Variants in LITAF observed in about 807,000 individuals in gnomAD.
LITAF encodes lipopolysaccharide-induced tumor necrosis factor-alpha factor.
LITAF carries 9 observed loss-of-function variants against 14.5 expected under a neutral mutation model. The observed-to-expected ratio is 0.62, with a 90% CI of 0.37 to 1.08. The LOEUF is 1.08. LITAF is among the 50% of genes least tolerant of loss of function. LITAF has a pLI of 0.01. For missense variants in LITAF, 206 were observed against 213.4 expected, an observed-to-expected ratio of 0.97 and a Z score of 0.22; for synonymous variants, 98 against 88.2, an observed-to-expected ratio of 1.11 and a Z score of -0.62.
intron 1 of LITAF, among the ~76,000 whole-genome samples, chr16:11,576,662 G>A (rs1223828892): frequency 6.6e-6 from 1 of 151,866 alleles, no homozygotes; most frequent in African/African-American, 2.4e-5. Flanking sequence ...GGCTGATGGC[G>A]GCTCCATCCC....
rs139593462 is a variant in LITAF at position 11,549,491 on chromosome 16, G to A, written c.*146C>T. Reference sequence around the variant, plus strand: ...GGGTTTGGAGATTTGTTAGTTTTGCGACGTATTCCCCCCAAAAGAAGACAT... The same window carrying A: ...GGGTTTGGAGATTTGTTAGTTTTGCAACGTATTCCCCCCAAAAGAAGACAT... On this transcript the variant is annotated 3_prime_UTR_variant, in exon 4 of 4. Transcript: ENST00000622633. The surrounding 1 kb of genome is among the most constrained non-coding windows in gnomAD (Gnocchi z 4.6). 1.7e-5 allele frequency: 12 copies of A among 700,004 alleles called. No individual in the cohort carries two copies. Among genetic ancestry groups the A allele is most frequent in the East Asian group, 5.6e-5 (2 of 35,858 alleles). The allele number at this position is 700,004 out of a possible 1,614,324, so 43.4% of individuals were successfully genotyped here. A position where few individuals can be genotyped will look rare whatever the true frequency, so the allele number is the denominator to read the frequency against.
intron 3 of LITAF, among the ~76,000 whole-genome samples, chr16:11,552,707 A>G (rs1015404094): frequency 6.6e-6 from 1 of 152,114 alleles, no homozygotes; most frequent in Non-Finnish European, 1.5e-5. Flanking sequence ...TTGGCCTCCC[A>G]GGGGGCATTT....
At chr16:11,574,188 T>G (rs1024930655) in intron 1 of LITAF, among the ~76,000 whole-genome samples, 1 of 151,740 alleles carries the variant, frequency 6.6e-6, no homozygotes, top group African/African-American at 2.4e-5. Context: ...ACTACAGGTG[T>G]GCACCACCAC....
At position 11,634,376 on chromosome 16, in the gene LITAF, T is replaced by G. The variant is rs2065130291; in HGVS notation, c.-20-739A>C. 6.6e-6 allele frequency among the ~76,000 whole-genome samples: 1 copy of G among 152,166 alleles called. No homozygotes were observed. The highest frequency in any genetic ancestry group is 2.1e-4 in the South Asian group (1 of 4,836). On this transcript the variant is annotated intron_variant, in intron 2 of 3. Transcript: ENST00000574848. The surrounding 1 kb of genome is among the most constrained non-coding windows in gnomAD (Gnocchi z 4.1). ...TTCCCTTCCCCAAAACTCAACCGCC[T>G]TTGTGAAGGTAACAAAAGGCCACCA...
intron 1 of LITAF, among the ~76,000 whole-genome samples, chr16:11,565,006 C>CTTTTTT (rs34798243): frequency 7.3e-6 from 1 of 136,414 alleles, no homozygotes; most frequent in Non-Finnish European, 1.6e-5. Flanking sequence ...ACTGAATTAT[C>CTTTTTT]TTTTTTTTTT....
chr16:11,638,976 C>T (rs571773053), upstream of LITAF, among the ~76,000 whole-genome samples: 12 of 151,824 alleles, frequency 7.9e-5, no homozygotes, highest in Non-Finnish European at 1.3e-4. Context: ...TGGGTACTGA[C>T]GTCAACAACT....
intron 3 of LITAF, among the ~76,000 whole-genome samples, chr16:11,606,703 C>T (rs371711919): frequency 4.6e-5 from 7 of 152,048 alleles, no homozygotes; most frequent in East Asian, 1.9e-4. Flanking sequence ...GGCACGATCT[C>T]GGCTCACTGC....
chr16:11,615,906 GT>G (rs541055888), intron 3 of LITAF, among the ~76,000 whole-genome samples: 82 of 152,228 alleles, frequency 5.4e-4, no homozygotes, highest in African/African-American at 1.9e-3. Context: ...GGGTTAGAAG[GT>G]TCAGTTCACC....
chr16:11,607,747 G>C (rs1349997742), intron 3 of LITAF, among the ~76,000 whole-genome samples: 2 of 152,048 alleles, frequency 1.3e-5, no homozygotes, highest in African/African-American at 2.4e-5. Flanking sequence ...ACCAGACCAG[G>C]GTTCATCAAC....
chr16:11,548,876 T>G lies in LITAF; in HGVS notation c.*761A>C, dbSNP rs558141944. The G allele has an allele frequency of 6.0e-5, 27 of 453,770 alleles. No individual in the cohort carries two copies. Among genetic ancestry groups the G allele is most frequent in the South Asian group, 4.2e-4 (27 of 64,408 alleles). 28.1% of individuals were successfully genotyped at this position (453,770 alleles called of 1,614,324 possible). A position where few individuals can be genotyped will look rare whatever the true frequency, so the allele number is the denominator to read the frequency against. ...CAGACCAAAAGGAGGTCATAAAAAC[T>G]GTTCATATAATTACTCTATGAGAAA... On this transcript the variant is annotated 3_prime_UTR_variant, in exon 4 of 4. Transcript: ENST00000622633.
chr16:11,631,248 C>G (rs1270693251), intron 3 of LITAF, among the ~76,000 whole-genome samples: 1 of 152,172 alleles, frequency 6.6e-6, no homozygotes, highest in East Asian at 1.9e-4. Context: ...GCAATGTATT[C>G]TCTGTTCTAG....
Position 11,558,389 on chromosome 16 carries a change from G to A in LITAF, c.-5-1654C>T, listed in dbSNP as rs937636254. On this transcript the variant is annotated intron_variant, in intron 1 of 3. Coordinates refer to ENST00000622633, the MANE Select transcript of LITAF (RefSeq NM_001136472.2). The surrounding 1 kb of genome is among the most constrained non-coding windows in gnomAD (Gnocchi z 4.1). ...TCTCAAGACTAACCTGGGCAACATG[G>A]TGAGACCCCCATCTCTAAAACAAAA... Among the ~76,000 whole-genome samples the A allele has an allele frequency of 2.0e-5, 3 of 151,964 alleles. No homozygotes were observed. Among genetic ancestry groups the A allele is most frequent in the Non-Finnish European group, 4.4e-5 (3 of 68,018 alleles).
intron 3 of LITAF, among the ~76,000 whole-genome samples, chr16:11,626,609 A>G (rs1457137291): frequency 1.3e-5 from 2 of 152,056 alleles, no homozygotes; most frequent in Non-Finnish European, 2.9e-5. Context: ...AAGTGCTGGG[A>G]TTACAGGCGT....
intron 1 of LITAF, among the ~76,000 whole-genome samples, chr16:11,574,548 A>C (rs2064600094): frequency 6.6e-6 from 1 of 152,076 alleles, no homozygotes; most frequent in Non-Finnish European, 1.5e-5. Context: ...TTAATTAAAA[A>C]AGAAAGTCTC....
intron 1 of LITAF, among the ~76,000 whole-genome samples, chr16:11,565,791 T>C (rs946856350): frequency 2.1e-5 from 3 of 141,876 alleles, no homozygotes; most frequent in Non-Finnish European, 4.6e-5. Flanking sequence ...TCCGTCTGCC[T>C]CCTTCCTGAT....
rs56748502 is a variant in LITAF, at chr16:11,551,845, C to CAAGT, written c.377+1684_377+1687dup. On this transcript the variant is annotated intron_variant, in intron 3 of 3. Transcript: ENST00000622633. ...AGACTCAGCCTCAAACAAAACAAAA[C>CAAGT]AAGTTTCTATTCCATCTTTCCCTGA... is the stretch of plus-strand genomic sequence containing the variant. 6,304 of 516,700 alleles carry CAAGT rather than the reference C, an allele frequency of 0.012. 331 individuals are homozygous for CAAGT. In the African/African-American group the frequency reaches 0.13, roughly 11 times the overall value. 32.0% of individuals were successfully genotyped at this position (516,700 alleles called of 1,614,324 possible). A position where few individuals can be genotyped will look rare whatever the true frequency, so the allele number is the denominator to read the frequency against.
upstream of LITAF, among the ~76,000 whole-genome samples, chr16:11,588,918 T>C (rs1260409284): frequency 6.6e-6 from 1 of 151,700 alleles, no homozygotes; most frequent in Non-Finnish European, 1.5e-5. Flanking sequence ...CTCCCTTCCT[T>C]CCTGTAAAAA....
rs75548208 is a variant in LITAF, at chr16:11,563,716, A to G, written c.-5-6981T>C. Among the ~76,000 whole-genome samples, 836 of 152,248 alleles carry G rather than the reference A, an allele frequency of 5.5e-3. 10 individuals carry two copies. The highest frequency in any genetic ancestry group is 0.019 in the African/African-American group (793 of 41,544). ...GCAATAGAACGTTAATGATCAGCCG[A>G]GGATGGAAAGTCACAAAGCTCAGCC... On this transcript the variant is annotated intron_variant, in intron 1 of 3. Coordinates refer to ENST00000622633, the MANE Select transcript of LITAF (RefSeq NM_001136472.2).
At chr16:11,569,986 C>A (rs1029469441) in intron 1 of LITAF, among the ~76,000 whole-genome samples, 1 of 150,612 alleles carries the variant, frequency 6.6e-6, no homozygotes, top group Non-Finnish European at 1.5e-5. Context: ...AGACGAGACG[C>A]ACTGCTGCAC....
Sources: gnomAD v4.1 joint callset for allele counts (sites outside exome capture counted in the v4.1 genomes callset) on GRCh38, gnomAD v4.1.1 for gene constraint, Gnocchi (gnomAD v3.1) non-coding constraint, MANE v1.5 for transcripts, NCBI Gene and HGNC (gene_info 2026-07-23, HGNC 2026-07-21) for gene names.